Variants in MAGI3 observed in about 807,000 individuals in gnomAD.
The protein encoded by MAGI3 is membrane-associated guanylate kinase, WW and PDZ domain-containing protein 3.
A neutral mutation model predicts 121.8 loss-of-function variants in MAGI3; 43 were observed. That is an observed-to-expected ratio of 0.35 (90% CI 0.28 to 0.46). The LOEUF (loss-of-function observed/expected upper bound fraction) is 0.46, where lower values mean the gene tolerates loss of function less well. Ranked by LOEUF, MAGI3 falls within the 20% of genes least tolerant of loss-of-function variation. The probability of loss-of-function intolerance (pLI) is 1.00; values close to 1 mark genes in which losing one functional copy is unlikely to be tolerated. For missense variants in MAGI3, 1,547 were observed against 1,797.3 expected (o/e 0.86, Z 2.52); for synonymous variants, 553 against 639.3 (o/e 0.86, Z 2.04).
intron 1 of MAGI3, among the ~76,000 whole-genome samples, chr1:113,393,996 C>T (rs1650960322): frequency 1.3e-5 from 2 of 152,146 alleles, no homozygotes; most frequent in Admixed American, 6.5e-5. Flanking sequence ...GAAATGTTCT[C>T]ATATTGTCTT....
At chr1:113,636,443 G>C (rs1048085614) in intron 9 of MAGI3, among the ~76,000 whole-genome samples, 3 of 152,098 alleles carry the variant, frequency 2.0e-5, no homozygotes, top group African/African-American at 7.2e-5. Flanking sequence ...CTTCTTGTTG[G>C]TTTCAAAGAA....
intron 1 of MAGI3, among the ~76,000 whole-genome samples, chr1:113,536,938 T>C (rs1301876760): frequency 1.3e-5 from 2 of 152,192 alleles, no homozygotes; most frequent in African/African-American, 4.8e-5. Context: ...CACTGTTTAA[T>C]TGCAGGCCCC....
intron 2 of MAGI3, among the ~76,000 whole-genome samples, chr1:113,557,520 C>A (rs1570857088): frequency 6.6e-6 from 1 of 152,128 alleles, no homozygotes; most frequent in African/African-American, 2.4e-5. Context: ...CTCTTCACAG[C>A]CAGGGCCTCC....
At chr1:113,661,652 TC>T (rs1653790608) in intron 16 of MAGI3, among the ~76,000 whole-genome samples, 1 of 152,220 alleles carries the variant, frequency 6.6e-6, no homozygotes, top group African/African-American at 2.4e-5. Flanking sequence ...GAATAAAAGT[TC>T]CCTTTCACAT....
At chr1:113,449,157 A>G (rs1191607596) in intron 1 of MAGI3, among the ~76,000 whole-genome samples, 1 of 152,164 alleles carries the variant, frequency 6.6e-6, no homozygotes, top group Non-Finnish European at 1.5e-5. Flanking sequence ...ATCAGGGGGC[A>G]ATAATGTGAT....
chr1:113,616,162 G>C (rs1338256138), intron 7 of MAGI3, among the ~76,000 whole-genome samples: 1 of 152,166 alleles, frequency 6.6e-6, no homozygotes, highest in Non-Finnish European at 1.5e-5. Context: ...CAACTTTAGG[G>C]CAAATCCTGA....
intron 20 of MAGI3, chr1:113,682,589 C>T (rs113848260): frequency 1.0e-5 from 10 of 985,214 alleles, no homozygotes; most frequent in African/African-American, 8.7e-5. Context: ...AGCTTTATAA[C>T]TTGTAAGTTC....
chr1:113,541,423 C>A (rs1353523637), intron 1 of MAGI3, among the ~76,000 whole-genome samples: 1 of 152,142 alleles, frequency 6.6e-6, no homozygotes, highest in African/African-American at 2.4e-5. Context: ...TTTCTTCAAA[C>A]TGTAACTTGA....
chr1:113,396,687 C>T (rs896344488), intron 1 of MAGI3, among the ~76,000 whole-genome samples: 20 of 152,138 alleles, frequency 1.3e-4, no homozygotes, highest in Admixed American at 3.3e-4. Flanking sequence ...ATTACTGGCA[C>T]GCATTCATTC....
intron 1 of MAGI3, among the ~76,000 whole-genome samples, chr1:113,444,996 C>A (rs1557760804): frequency 6.6e-6 from 1 of 152,084 alleles, no homozygotes; most frequent in East Asian, 1.9e-4. Context: ...CATATTTGAG[C>A]AGGCAGAAGA....
chr1:113,460,927 A>G (rs1260590029), intron 1 of MAGI3, among the ~76,000 whole-genome samples: 1 of 152,224 alleles, frequency 6.6e-6, no homozygotes, highest in Non-Finnish European at 1.5e-5. Context: ...TAGCATTCCT[A>G]TACACCAACA....
chr1:113,623,080 G>A (rs1650940353), intron 9 of MAGI3, 86 bp downstream of exon 9: 1 of 814,780 alleles, frequency 1.2e-6, no homozygotes. Flanking sequence ...TAAAGAGAGA[G>A]AAATAATTAA....
At chr1:113,485,020 C>A (rs943400822) in intron 1 of MAGI3, among the ~76,000 whole-genome samples, 1 of 152,018 alleles carries the variant, frequency 6.6e-6, no homozygotes, top group Non-Finnish European at 1.5e-5. Flanking sequence ...GTGTGAACCA[C>A]CACGCCTAAC....
In MAGI3 at chr1:113,658,932, G is replaced by A. The variant is rs750606826; in HGVS notation, c.2630-148G>A. ...AGAAGTATGAAAATAGTTCCGTTTG[G>A]ATGCGATGATGACGTGTGGTACTTT... On this transcript the variant is annotated intron_variant, in intron 15 of 20. Coordinates refer to ENST00000307546, the MANE Select transcript of MAGI3 (RefSeq NM_001142782.2). This position sits in a 1 kb window ranked among gnomAD's most constrained non-coding sequence, Gnocchi z 4.0. 2.1e-4 allele frequency: 140 copies of A among 675,086 alleles called. No homozygotes were observed. Among genetic ancestry groups the A allele is most frequent in the Non-Finnish European group, 3.3e-4 (130 of 398,212 alleles). 41.8% of individuals were successfully genotyped at this position (675,086 alleles called of 1,614,324 possible). A position where few individuals can be genotyped will look rare whatever the true frequency, so the allele number is the denominator to read the frequency against.
chr1:113,470,953 TG>T (rs1655510576), intron 1 of MAGI3, among the ~76,000 whole-genome samples: 1 of 152,236 alleles, frequency 6.6e-6, no homozygotes, highest in Non-Finnish European at 1.5e-5. Flanking sequence ...TTGCTTTTGT[TG>T]TGTGTGCTTT....
At chr1:113,460,520 A>G (rs1257401112) in intron 1 of MAGI3, among the ~76,000 whole-genome samples, 15 of 152,132 alleles carry the variant, frequency 9.9e-5, no homozygotes, top group Admixed American at 8.5e-4. Context: ...AGAAAACCCA[A>G]TAGTCTCAGC....
intron 2 of MAGI3, among the ~76,000 whole-genome samples, chr1:113,566,144 A>G (rs1327060931): frequency 6.6e-6 from 1 of 152,224 alleles, no homozygotes; most frequent in Admixed American, 6.5e-5. Flanking sequence ...TGCAGGTGGG[A>G]ATGCAAAGAC....
Position 113,684,083 on chromosome 1 carries a change from C to CT in MAGI3, c.*82dup, listed in dbSNP as rs141967702. Reference sequence around the variant, plus strand: ...ACAGCAGCATTTTTCCAGAAAAAGCCTTTTTTTTTTTTTCAGATATTCTGA... The same window carrying CT: ...ACAGCAGCATTTTTCCAGAAAAAGCCTTTTTTTTTTTTTTCAGATATTCTGA... On this transcript the variant is annotated 3_prime_UTR_variant, in exon 21 of 21. Coordinates refer to ENST00000307546, the MANE Select transcript of MAGI3 (RefSeq NM_001142782.2). 0.11 allele frequency: 115,988 copies of CT among 1,022,712 alleles called. 12 individuals are homozygous for CT. Among genetic ancestry groups the CT allele is most frequent in the South Asian group, 0.12 (5,433 of 44,516 alleles). The allele number at this position is 1,022,712 out of a possible 1,614,324, so 63.4% of individuals were successfully genotyped here.
intron 2 of MAGI3, among the ~76,000 whole-genome samples, chr1:113,552,625 AT>A (rs1659831332): frequency 6.6e-6 from 1 of 151,968 alleles, no homozygotes; most frequent in Non-Finnish European, 1.5e-5. Flanking sequence ...TTTTCTTTTA[AT>A]TTTATTGTTC....
Sources: allele counts gnomAD v4.1 joint callset (sites outside exome capture counted in the v4.1 genomes callset), GRCh38; gene constraint gnomAD v4.1.1; non-coding constraint Gnocchi (gnomAD v3.1); transcripts MANE v1.5; gene names NCBI Gene and HGNC (gene_info 2026-07-23, HGNC 2026-07-21).